ABCA13: variants seen among roughly 807,000 people sequenced by gnomAD.
ABCA13 encodes ATP-binding cassette sub-family A member 13.
In ABCA13, 476 loss-of-function variants were observed where a neutral mutation model predicts 478.7. The observed-to-expected ratio is 0.99, with a 90% CI of 0.92 to 1.07. The LOEUF is 1.07. ABCA13 is among the 50% of genes least tolerant of loss of function. The probability of loss-of-function intolerance (pLI) is 0.00; values close to 1 mark genes in which losing one functional copy is unlikely to be tolerated. For missense variants in ABCA13, 6,060 were observed against 5,910.6 expected, an observed-to-expected ratio of 1.03 and a Z score of -0.83; for synonymous variants, 2,252 against 2,158.9, an observed-to-expected ratio of 1.04 and a Z score of -1.20.
At chr7:48,590,712 T>G (rs556984886) in intron 57 of ABCA13, among the ~76,000 whole-genome samples, 2 of 152,348 alleles carry the variant, frequency 1.3e-5, no homozygotes, top group East Asian at 3.9e-4. Context: ...ATTGTGGTTT[T>G]CATTTGCATT....
Position 48,410,567 on chromosome 7 carries a change from C to T in ABCA13, c.12118C>T (p.Leu4040=). 6.2e-7 allele frequency: 1 copy of T among 1,614,038 alleles called. No individual in the cohort carries two copies. Among genetic ancestry groups the T allele is most frequent in the African/African-American group, 1.3e-5 (1 of 75,054 alleles). ...TTHHLDEAEA[L]SDRVAVLQHG... ...CCACCACCTGGATGAAGCTGAAGCG[C>T]TGAGTGACCGCGTGGCCGTCCTCCA... Residue 4040 remains leucine (L), a synonymous_variant, in exon 40 of 62, where the codon CTG becomes TTG. Coordinates refer to ENST00000435803, the MANE Select transcript of ABCA13 (RefSeq NM_152701.5).
At chr7:48,545,728 C>A in intron 55 of ABCA13, among the ~76,000 whole-genome samples, 1 of 147,528 alleles carries the variant, frequency 6.8e-6, no homozygotes, top group African/African-American at 2.5e-5. Context: ...TAAGAAGTAC[C>A]ATGATATGAG....
intron 59 of ABCA13, among the ~76,000 whole-genome samples, chr7:48,619,238 A>G (rs182791903): frequency 1.3e-5 from 2 of 152,332 alleles, no homozygotes; most frequent in African/African-American, 2.4e-5. Context: ...GTTGTATTAA[A>G]AAGCAAGTTC....
intron 42 of ABCA13, among the ~76,000 whole-genome samples, chr7:48,448,744 A>G (rs541551624): frequency 2.8e-4 from 42 of 152,340 alleles, no homozygotes; most frequent in African/African-American, 9.9e-4. Context: ...GAGATTATCA[A>G]TAAAACAGTT....
At position 48,221,311 on chromosome 7, in the gene ABCA13, T is replaced by C; in HGVS notation, c.468+2T>C. On this transcript the variant is annotated splice_donor_variant, in intron 5 of 61. Coordinates refer to ENST00000435803, the MANE Select transcript of ABCA13 (RefSeq NM_152701.5). LOFTEE classifies it high-confidence loss of function. Reference sequence around the variant, plus strand: ...TCTTATGGTTCCAGTTTTTTTACAGTAAGTATCTTAACAATAGTTTGAAAA... The same window carrying C: ...TCTTATGGTTCCAGTTTTTTTACAGCAAGTATCTTAACAATAGTTTGAAAA... The C allele has an allele frequency of 8.7e-7, 1 of 1,142,986 alleles. No individual in the cohort carries two copies. Among genetic ancestry groups the C allele is most frequent in the Non-Finnish European group, 1.3e-6 (1 of 799,970 alleles). The allele number at this position is 1,142,986 out of a possible 1,614,324, so 70.8% of individuals were successfully genotyped here.
chr7:48,317,668 GA>G (rs1219898087), intron 27 of ABCA13, among the ~76,000 whole-genome samples: 1 of 152,196 alleles, frequency 6.6e-6, no homozygotes, highest in African/African-American at 2.4e-5. Context: ...CAACAATTAC[GA>G]AAGAATCAGA....
intron 1 of ABCA13, among the ~76,000 whole-genome samples, chr7:48,185,584 A>C (rs1468705867): frequency 1.3e-5 from 2 of 152,158 alleles, no homozygotes; most frequent in Non-Finnish European, 2.9e-5. Context: ...TAATCTGTTC[A>C]TATATTTAGC....
intron 49 of ABCA13, 41 bp downstream of exon 49, chr7:48,506,431 T>A: frequency 6.2e-7 from 1 of 1,602,466 alleles, no homozygotes; most frequent in Non-Finnish European, 8.5e-7. Flanking sequence ...ACCCTGACTA[T>A]GGAAGAAAAT....
At chr7:48,483,339 C>T (rs1034335098) in intron 47 of ABCA13, among the ~76,000 whole-genome samples, 176 bp downstream of exon 47, 2 of 152,058 alleles carry the variant, frequency 1.3e-5, no homozygotes, top group African/African-American at 4.8e-5. Flanking sequence ...GCTTGTTTTT[C>T]TTTAGAAATC....
Position 48,351,538 on chromosome 7 carries a change from C to T in ABCA13, c.10382-643C>T, listed in dbSNP as rs181416688. Reference sequence around the variant, plus strand: ...TGGCCATCTTCTCCCTGGGTTTCTGCACCTCATCTTCCCTCTATGTATTTC... The same window carrying T: ...TGGCCATCTTCTCCCTGGGTTTCTGTACCTCATCTTCCCTCTATGTATTTC... On this transcript the variant is annotated intron_variant, in intron 30 of 61. Coordinates refer to ENST00000435803, the MANE Select transcript of ABCA13 (RefSeq NM_152701.5). Among the ~76,000 whole-genome samples the T allele has an allele frequency of 2.5e-3, 384 of 152,278 alleles. 2 individuals carry two copies. Among genetic ancestry groups the T allele is most frequent in the African/African-American group, 8.8e-3 (367 of 41,556 alleles).
chr7:48,448,288 A>G (rs1339273681), intron 42 of ABCA13, among the ~76,000 whole-genome samples: 5 of 152,226 alleles, frequency 3.3e-5, no homozygotes, highest in Non-Finnish European at 7.3e-5. Context: ...TAGAGACTGC[A>G]GGAAGACCTG....
At chr7:48,294,204 T>C (rs961685484) in intron 20 of ABCA13, among the ~76,000 whole-genome samples, 1 of 152,178 alleles carries the variant, frequency 6.6e-6, no homozygotes, top group Non-Finnish European at 1.5e-5. Context: ...CTCAGAGTTA[T>C]CTTTGTGTGT....
rs569584464 is a variant in ABCA13, at chr7:48,195,896, G to A, written c.164-2341G>A. Among the ~76,000 whole-genome samples, 13 of 152,188 alleles carry A rather than the reference G, an allele frequency of 8.5e-5. No homozygotes were observed. The East Asian group carries it at 2.5e-3, about 30-fold the overall frequency. ...TAGATAAGGACTGACAAGTTCTCCA[G>A]GGCAGTTCAGTAGAGGGATAGGATG... is the stretch of plus-strand genomic sequence containing the variant. On this transcript the variant is annotated intron_variant, in intron 2 of 61. Transcript: ENST00000435803.
At chr7:48,249,965 C>A (rs2128693117) in intron 15 of ABCA13, among the ~76,000 whole-genome samples, 1 of 152,278 alleles carries the variant, frequency 6.6e-6, no homozygotes, top group South Asian at 2.1e-4. Flanking sequence ...CAAGATTGCC[C>A]CTACTTCAGA....
intron 26 of ABCA13, among the ~76,000 whole-genome samples, chr7:48,315,500 G>A (rs910890662): frequency 6.8e-6 from 1 of 146,360 alleles, no homozygotes; most frequent in African/African-American, 2.5e-5. Flanking sequence ...TTTTTTTTGA[G>A]ACGGAGTCTT....
chr7:48,532,516 T>C (rs1039918661), intron 55 of ABCA13, among the ~76,000 whole-genome samples: 1 of 152,154 alleles, frequency 6.6e-6, no homozygotes, highest in African/African-American at 2.4e-5. Context: ...ACTGGCTTCA[T>C]AGAGTGATTT....
At chr7:48,562,465 A>T (rs1786566801) in intron 55 of ABCA13, among the ~76,000 whole-genome samples, 1 of 152,138 alleles carries the variant, frequency 6.6e-6, no homozygotes, top group African/African-American at 2.4e-5. Flanking sequence ...TAGGCAAGGG[A>T]CCATGGGGAA....
In ABCA13 at chr7:48,421,978, T is replaced by A. The variant is rs528950801; in HGVS notation, c.12460-5788T>A. ...ACACTGCTTTGCTGCTCTGCTCACA[T>A]GCTGTCTTGTGTGAACCTGCCCCAC... On this transcript the variant is annotated intron_variant, in intron 41 of 61. Transcript: ENST00000435803. Among the ~76,000 whole-genome samples, 19 of 146,946 alleles carry A rather than the reference T, an allele frequency of 1.3e-4. No homozygotes were observed. The South Asian group carries it at 4.1e-3, about 32-fold the overall frequency.
intron 47 of ABCA13, among the ~76,000 whole-genome samples, chr7:48,488,510 G>A (rs1380502867): frequency 6.6e-6 from 1 of 152,154 alleles, no homozygotes; most frequent in East Asian, 1.9e-4. Flanking sequence ...CGGATTATCT[G>A]TCACAAAAGG....
Sources: allele counts gnomAD v4.1 joint callset (sites outside exome capture counted in the v4.1 genomes callset), GRCh38; gene constraint gnomAD v4.1.1; transcripts MANE v1.5; gene names NCBI Gene and HGNC (gene_info 2026-07-23, HGNC 2026-07-21).